The following TENM2 variants were observed in gnomAD, a reference collection of about 807,000 sequenced individuals.
TENM2 encodes the protein teneurin-2.
A neutral mutation model predicts 245.2 loss-of-function variants in TENM2; 52 were observed. The ratio of observed to expected loss-of-function variants is 0.21; its 90% CI spans 0.17 to 0.27. TENM2 has a LOEUF of 0.27. TENM2 is among the 10% of genes least tolerant of loss of function. TENM2 has a pLI of 1.00. For synonymous variants in TENM2, 1,363 were observed against 1,438.9 expected, an observed-to-expected ratio of 0.95 and a Z score of 1.19; for missense variants, 3,046 against 3,666.8, an observed-to-expected ratio of 0.83 and a Z score of 4.37.
intron 12 of TENM2, among the ~76,000 whole-genome samples, chr5:168,156,099 T>C (rs1757138233): frequency 6.6e-6 from 1 of 151,676 alleles, no homozygotes; most frequent in African/African-American, 2.4e-5. Flanking sequence ...ATAAATAAGA[T>C]TAACAAGTAA....
chr5:167,675,766 C>A (rs540291979), intron 2 of TENM2, among the ~76,000 whole-genome samples: 1 of 152,016 alleles, frequency 6.6e-6, no homozygotes, highest in Non-Finnish European at 1.5e-5. Context: ...ATCTGGTACA[C>A]GTCCAGAATG....
intron 2 of TENM2, among the ~76,000 whole-genome samples, chr5:167,695,973 G>C (rs1198198606): frequency 2.0e-5 from 3 of 151,666 alleles, no homozygotes; most frequent in Admixed American, 2.0e-4. Flanking sequence ...GGTGGAGCTT[G>C]CAGTGAGCCG....
chr5:167,160,554 C>T, the TENM2 span, among the ~76,000 whole-genome samples: 1 of 152,274 alleles, frequency 6.6e-6, no homozygotes, highest in South Asian at 2.1e-4. Flanking sequence ...TGGAATACTT[C>T]GCTGACACAA....
intron 25 of TENM2, chr5:168,229,704 C>T (rs1048866329): frequency 6.6e-6 from 1 of 152,170 alleles, no homozygotes; most frequent in African/African-American, 2.4e-5. Context: ...ATCCAGCCAG[C>T]CCAGGTGACC....
intron 2 of TENM2, among the ~76,000 whole-genome samples, chr5:167,627,155 C>G (rs1424993570): frequency 6.6e-6 from 1 of 152,060 alleles, no homozygotes; most frequent in Non-Finnish European, 1.5e-5. Flanking sequence ...ATCCATTTTC[C>G]AAAAGTTTAA....
intron 2 of TENM2, among the ~76,000 whole-genome samples, chr5:167,716,924 TTATTTTATTTTATTTTATTC>T (rs1353613275): frequency 2.4e-4 from 25 of 105,164 alleles, no homozygotes; most frequent in African/African-American, 6.1e-4. Context: ...TTATTTTATT[TTATTTTATTTTATTTTATTC>T]TATTCTATTC....
At chr5:167,866,160 T>A (rs1188116532) in intron 2 of TENM2, among the ~76,000 whole-genome samples, 1 of 152,056 alleles carries the variant, frequency 6.6e-6, no homozygotes, top group Non-Finnish European at 1.5e-5. Flanking sequence ...CTAAGGAAGG[T>A]TGTTCTTGAG....
chr5:167,651,936 C>T (rs1342342014), intron 2 of TENM2, among the ~76,000 whole-genome samples: 1 of 152,180 alleles, frequency 6.6e-6, no homozygotes. Flanking sequence ...GCACAGAATG[C>T]AGATGGCATA....
intron 9 of TENM2, among the ~76,000 whole-genome samples, chr5:168,102,844 T>A (rs1253834696): frequency 6.6e-6 from 1 of 152,252 alleles, no homozygotes; most frequent in African/African-American, 2.4e-5. Flanking sequence ...TAATAGATAC[T>A]CTTATTTGTC....
chr5:168,233,332 A>C (rs1350376962), intron 25 of TENM2, among the ~76,000 whole-genome samples: 1 of 152,206 alleles, frequency 6.6e-6, no homozygotes, highest in Non-Finnish European at 1.5e-5. Flanking sequence ...TCTCAAAAAA[A>C]AAAGAAGCAG....
At chr5:167,068,904 A>G in the TENM2 span, among the ~76,000 whole-genome samples, 1 of 152,210 alleles carries the variant, frequency 6.6e-6, no homozygotes, top group African/African-American at 2.4e-5. Flanking sequence ...TTTTGGAATA[A>G]GGCTGAAGTT....
the TENM2 span, among the ~76,000 whole-genome samples, chr5:167,006,607 T>G: frequency 6.6e-6 from 1 of 152,218 alleles, no homozygotes; most frequent in Non-Finnish European, 1.5e-5. Flanking sequence ...ATGATATATT[T>G]AACTGTGATA....
intron 2 of TENM2, among the ~76,000 whole-genome samples, chr5:167,667,316 A>C (rs550614400): frequency 1.3e-5 from 2 of 152,278 alleles, no homozygotes; most frequent in South Asian, 4.1e-4. Flanking sequence ...TTCATCTTCA[A>C]GCACCTCTCT....
At chr5:167,101,241 C>G in the TENM2 span, among the ~76,000 whole-genome samples, 1 of 152,258 alleles carries the variant, frequency 6.6e-6, no homozygotes, top group East Asian at 1.9e-4. Flanking sequence ...TATATGGAAA[C>G]AGTATATAGT....
intron 2 of TENM2, among the ~76,000 whole-genome samples, chr5:167,859,346 C>T: frequency 6.7e-6 from 1 of 148,736 alleles, no homozygotes. Context: ...AGGAGCGTCT[C>T]CGCCCGGCAG....
chr5:168,242,649 T>C (rs903572042), intron 25 of TENM2, among the ~76,000 whole-genome samples: 8 of 152,184 alleles, frequency 5.3e-5, no homozygotes, highest in Non-Finnish European at 1.0e-4. Flanking sequence ...CCTCAGCATA[T>C]ATTAAAGTCA....
chr5:168,012,378 CACACT>C (rs1785286528), intron 5 of TENM2, among the ~76,000 whole-genome samples: 1 of 152,178 alleles, frequency 6.6e-6, no homozygotes, highest in Non-Finnish European at 1.5e-5. Context: ...CACAGAGGCT[CACACT>C]TGTAATCGCT....
intron 25 of TENM2, among the ~76,000 whole-genome samples, chr5:168,237,347 C>T (rs10065651): frequency 0.27 from 41,256 of 151,690 alleles, 10,325 homozygotes; most frequent in African/African-American, 0.64. Flanking sequence ...TGATTTTCCA[C>T]GTTGGAACTT....
At chr5:167,379,236 G>A (rs1258396484) in intron 2 of TENM2, among the ~76,000 whole-genome samples, 3 of 152,104 alleles carry the variant, frequency 2.0e-5, no homozygotes, top group East Asian at 1.9e-4. Context: ...TATGTAAAGC[G>A]TATTTGTGAA....
Sources: gnomAD v4.1 joint callset for allele counts (sites outside exome capture counted in the v4.1 genomes callset) on GRCh38, gnomAD v4.1.1 for gene constraint, MANE v1.5 for transcripts, NCBI Gene and HGNC (gene_info 2026-07-23, HGNC 2026-07-21) for gene names.